The following AHCY variants were observed in gnomAD, a reference collection of about 807,000 sequenced individuals.
AHCY encodes the protein S-adenosyl-L-homocysteine hydrolase.
A neutral mutation model predicts 45.4 loss-of-function variants in AHCY; 24 were observed. The ratio of observed to expected loss-of-function variants is 0.53; its 90% CI spans 0.38 to 0.74. The LOEUF (loss-of-function observed/expected upper bound fraction) is 0.74. Ranked by LOEUF, AHCY falls within the 30% of genes least tolerant of loss-of-function variation. The pLI is 0.00. For synonymous variants in AHCY, 245 were observed against 235.1 expected, an observed-to-expected ratio of 1.04 and a Z score of -0.39; for missense variants, 449 against 594.1, an observed-to-expected ratio of 0.76 and a Z score of 2.54.
At chr20:34,293,764 C>T (rs1388045653) in intron 3 of AHCY, 5 of 429,464 alleles carry the variant, frequency 1.2e-5, no homozygotes, top group African/African-American at 1.0e-4. Flanking sequence ...CCGTAGCCCT[C>T]CCCAGTTCTT....
At chr20:34,263,438 G>T in the AHCY span, among the ~76,000 whole-genome samples, 1 of 151,872 alleles carries the variant, frequency 6.6e-6, no homozygotes, top group Non-Finnish European at 1.5e-5. Flanking sequence ...GGTGGTGGGC[G>T]CCTGTAATCC....
chr20:34,241,488 ATG>A, the AHCY span: 1 of 985,376 alleles, frequency 1.0e-6, no homozygotes, highest in African/African-American at 1.7e-5. Context: ...GCGGGAAAGC[ATG>A]TGAGTTTAGA....
At chr20:34,235,839 A>AAG in the AHCY span, among the ~76,000 whole-genome samples, 11 of 64,446 alleles carry the variant, frequency 1.7e-4, no homozygotes, top group African/African-American at 1.9e-3. Flanking sequence ...GAAAGAAAGA[A>AAG]AGAAGGAAGG....
At chr20:34,298,310 T>C (rs947999769) in intron 1 of AHCY, among the ~76,000 whole-genome samples, 1 of 152,104 alleles carries the variant, frequency 6.6e-6, no homozygotes, top group Non-Finnish European at 1.5e-5. Context: ...TAATCATTAG[T>C]TTGTAGCAAT....
At chr20:34,243,922 G>T in the AHCY span, among the ~76,000 whole-genome samples, 6 of 152,140 alleles carry the variant, frequency 3.9e-5, no homozygotes. Context: ...AAAATTAACC[G>T]GGCGTGGTGG....
intron 1 of AHCY, chr20:34,302,698 G>A (rs2036818174): frequency 1.3e-5 from 13 of 987,636 alleles, no homozygotes; most frequent in Non-Finnish European, 1.4e-5. Flanking sequence ...CTGCTGGAGG[G>A]GTGGGGGACC....
the AHCY span, among the ~76,000 whole-genome samples, chr20:34,255,932 C>T: frequency 5.3e-3 from 814 of 152,238 alleles, 11 homozygotes; most frequent in African/African-American, 0.019. Context: ...TCTGCTCCAC[C>T]ACCTCTTGTG....
At chr20:34,248,479 T>A in the AHCY span, among the ~76,000 whole-genome samples, 2 of 152,176 alleles carry the variant, frequency 1.3e-5, no homozygotes, top group Non-Finnish European at 1.5e-5. Context: ...GAGGTCAGAT[T>A]TATTCTCAGA....
chr20:34,285,398 TAGACACGTGA>T (rs1427759944), intron 9 of AHCY, 32 bp downstream of exon 9: 1 of 1,609,352 alleles, frequency 6.2e-7, no homozygotes, highest in East Asian at 2.2e-5. Flanking sequence ...ATCCCAGGAT[TAGACACGTGA>T]CCCTTGGCTT....
chr20:34,232,340 C>T, the AHCY span, among the ~76,000 whole-genome samples: 44 of 152,266 alleles, frequency 2.9e-4, no homozygotes, highest in East Asian at 7.2e-3. Context: ...TGTCTCTCAA[C>T]AGCATCCACC....
At chr20:34,267,016 T>A in the AHCY span, among the ~76,000 whole-genome samples, 1 of 152,192 alleles carries the variant, frequency 6.6e-6, no homozygotes, top group Non-Finnish European at 1.5e-5. Context: ...ATCTTGAAAG[T>A]CCCTGCTCTT....
Position 34,290,393 on chromosome 20 carries a change from A to AC in AHCY, c.910dup (p.Val304GlyfsTer57). 6.2e-7 allele frequency: 1 copy of AC among 1,614,158 alleles called. No individual in the cohort carries two copies. Among genetic ancestry groups the AC allele is most frequent in the Non-Finnish European group, 8.5e-7 (1 of 1,180,030 alleles). Reference sequence around the variant, plus strand: ...GTTGAGCCACTTGACATCGATCTCCACGTCAAAGTGTCCAATGTTACACAC... The same window carrying AC: ...GTTGAGCCACTTGACATCGATCTCCACCGTCAAAGTGTCCAATGTTACACAC... On this transcript the variant is annotated frameshift_variant, in exon 8 of 10. Coordinates refer to ENST00000217426, the MANE Select transcript of AHCY (RefSeq NM_000687.4). LOFTEE classifies it high-confidence loss of function. This position sits in a 1 kb window ranked among gnomAD's most constrained non-coding sequence, Gnocchi z 4.5.
At chr20:34,269,268 G>A in the AHCY span, 2 of 1,378,848 alleles carry the variant, frequency 1.5e-6, no homozygotes, top group Non-Finnish European at 1.9e-6. Context: ...GCTGCAGGCG[G>A]GCGGAGGTTC....
upstream of AHCY, among the ~76,000 whole-genome samples, chr20:34,306,518 G>C (rs941954811): frequency 6.6e-6 from 1 of 151,854 alleles, no homozygotes; most frequent in African/African-American, 2.4e-5. Context: ...ACAGGCACAC[G>C]CTCCCACACC....
At chr20:34,269,813 G>A in the AHCY span, among the ~76,000 whole-genome samples, 2 of 149,996 alleles carry the variant, frequency 1.3e-5, no homozygotes, top group Non-Finnish European at 3.0e-5. Flanking sequence ...GTGTGGTGGC[G>A]CATGCGGTAA....
the AHCY span, among the ~76,000 whole-genome samples, chr20:34,271,714 C>T: frequency 3.3e-5 from 5 of 151,792 alleles, no homozygotes; most frequent in African/African-American, 9.7e-5. Flanking sequence ...TACAGGCATG[C>T]GCCAACACAC....
rs545828403 is a variant in AHCY, at chr20:34,300,794, G to A, written c.28+2449C>T. Reference sequence around the variant, plus strand: ...CCCATTGGCTGCTGTGTGGATCTGCGGAGCAAGAGATCCAGGGAGACCTGC... The same window carrying A: ...CCCATTGGCTGCTGTGTGGATCTGCAGAGCAAGAGATCCAGGGAGACCTGC... On this transcript the variant is annotated intron_variant, in intron 1 of 9. Coordinates refer to ENST00000217426, the MANE Select transcript of AHCY (RefSeq NM_000687.4). Among the ~76,000 whole-genome samples the A allele has an allele frequency of 6.6e-5, 10 of 152,288 alleles. No individual in the cohort carries two copies. In the South Asian group the frequency reaches 1.5e-3, roughly 22 times the overall value.
Position 34,285,561 on chromosome 20 carries a change from C to T in AHCY, c.1046G>A (p.Cys349Tyr). The change falls in exon 9 of 10, where the codon TGT becomes TAT. Residue 349 changes from cysteine to tyrosine, a missense_variant. Transcript: ENST00000217426. ...CACGAAGCTGGGGTGGCCCATGGCA[C>T]AACCCAGGTTGACCAGCCGACCCTC... ...LAEGRLVNLG[C>Y]AMGHPSFVMS... The T allele has an allele frequency of 6.2e-7, 1 of 1,614,186 alleles. No homozygotes were observed. Among genetic ancestry groups the T allele is most frequent in the Non-Finnish European group, 8.5e-7 (1 of 1,180,036 alleles).
Position 34,281,102 on chromosome 20 carries a change from CAGTT to C in AHCY, c.1227_1230del (p.Thr410ArgfsTer44). The C allele has an allele frequency of 6.2e-7, 1 of 1,614,158 alleles. No individual in the cohort carries two copies. Among genetic ancestry groups the C allele is most frequent in the Non-Finnish European group, 8.5e-7 (1 of 1,180,046 alleles). On this transcript the variant is annotated frameshift_variant, in exon 10 of 10. Coordinates refer to ENST00000217426, the MANE Select transcript of AHCY (RefSeq NM_000687.4). LOFTEE classifies it high-confidence loss of function. ...ATGCCCAGGTACTGGGCTTGCTTCT[CAGTT>C]AGCTTGGTCAACTTCACATTCAGCT...
Sources: gnomAD v4.1 joint callset for allele counts (sites outside exome capture counted in the v4.1 genomes callset) on GRCh38, gnomAD v4.1.1 for gene constraint, Gnocchi (gnomAD v3.1) non-coding constraint, MANE v1.5 for transcripts, NCBI Gene and HGNC (gene_info 2026-07-23, HGNC 2026-07-21) for gene names.